CCDC148: variants seen among roughly 807,000 people sequenced by gnomAD.
The protein encoded by CCDC148 is coiled-coil domain containing 148, also known as coiled-coil domain-containing protein 148.
In CCDC148, 89 loss-of-function variants were observed where a neutral mutation model predicts 85.7. The observed-to-expected ratio is 1.04, with a 90% CI of 0.87 to 1.24. The LOEUF (loss-of-function observed/expected upper bound fraction) is 1.24, where lower values mean the gene tolerates loss of function less well. CCDC148 is among the 50% of genes most tolerant of loss of function. The pLI, the probability that CCDC148 is intolerant of heterozygous loss-of-function variation, is 0.00. For synonymous variants in CCDC148, 230 were observed against 213.9 expected (o/e 1.08, Z -0.66); for missense variants, 692 against 671.7 (o/e 1.03, Z -0.33).
intron 1 of CCDC148, among the ~76,000 whole-genome samples, chr2:158,384,862 T>C (rs1685019715): frequency 6.6e-6 from 1 of 152,198 alleles, no homozygotes; most frequent in African/African-American, 2.4e-5. Context: ...GTTGGAAGTC[T>C]GGCATGGCAT....
chr2:158,178,241 G>A (rs1473223756), intron 12 of CCDC148: 1 of 152,008 alleles, frequency 6.6e-6, no homozygotes, highest in Non-Finnish European at 1.5e-5. Flanking sequence ...CTGGGAAACG[G>A]TGTCAATGAA....
At chr2:158,254,701 T>C (rs1688939154) in intron 9 of CCDC148, among the ~76,000 whole-genome samples, 1 of 151,588 alleles carries the variant, frequency 6.6e-6, no homozygotes, top group Non-Finnish European at 1.5e-5. Flanking sequence ...TTTTATAAAT[T>C]TTAATGAAAA....
chr2:158,234,746 T>C (rs992476551), intron 10 of CCDC148, among the ~76,000 whole-genome samples: 1 of 152,136 alleles, frequency 6.6e-6, no homozygotes, highest in African/African-American at 2.4e-5. Flanking sequence ...ATGCAAAATG[T>C]TGGTCAATAA....
At chr2:158,207,062 T>C (rs76706643) in intron 11 of CCDC148, among the ~76,000 whole-genome samples, 7,785 of 152,266 alleles carry the variant, frequency 0.051, 229 homozygotes, top group Middle Eastern at 0.075. Context: ...CTTTCTATTA[T>C]GGAAAGGACA....
At chr2:158,197,890 C>T (rs1230125195) in intron 11 of CCDC148, among the ~76,000 whole-genome samples, 2 of 130,476 alleles carry the variant, frequency 1.5e-5, no homozygotes. Context: ...CTGGTTAATG[C>T]AATTAATTCT....
intron 11 of CCDC148, among the ~76,000 whole-genome samples, chr2:158,201,117 T>C (rs1335200845): frequency 6.6e-6 from 1 of 152,080 alleles, no homozygotes; most frequent in Non-Finnish European, 1.5e-5. Context: ...ACTGTGATGC[T>C]TTCTAGAGAG....
intron 10 of CCDC148, among the ~76,000 whole-genome samples, chr2:158,239,678 A>G (rs1688266567): frequency 6.6e-6 from 1 of 152,148 alleles, no homozygotes; most frequent in Non-Finnish European, 1.5e-5. Context: ...TTTAAAAATT[A>G]GATGATCCCT....
intron 1 of CCDC148, among the ~76,000 whole-genome samples, chr2:158,449,589 T>C (rs576743747): frequency 5.9e-5 from 9 of 152,146 alleles, no homozygotes; most frequent in South Asian, 2.1e-4. Flanking sequence ...GCTGGCACTA[T>C]AGGCACCCAC....
intron 9 of CCDC148, among the ~76,000 whole-genome samples, chr2:158,294,034 T>C (rs11897177): frequency 2.5e-4 from 24 of 94,660 alleles, no homozygotes; most frequent in African/African-American, 7.5e-4. Context: ...CCTTCCTTCC[T>C]TCCTTCCTTC....
At chr2:158,426,780 T>A (rs1238465062) in intron 1 of CCDC148, among the ~76,000 whole-genome samples, 1 of 152,220 alleles carries the variant, frequency 6.6e-6, no homozygotes. Context: ...TCCAGTGATA[T>A]TTGCACTTGT....
intron 9 of CCDC148, among the ~76,000 whole-genome samples, chr2:158,268,429 C>T (rs529370997): frequency 2.0e-5 from 3 of 152,046 alleles, no homozygotes; most frequent in African/African-American, 7.2e-5. Flanking sequence ...GTCCTCTATA[C>T]CAAATTTTTA....
chr2:158,420,672 G>T (rs138773943), intron 1 of CCDC148, among the ~76,000 whole-genome samples: 383 of 152,256 alleles, frequency 2.5e-3, no homozygotes, highest in African/African-American at 8.6e-3. Flanking sequence ...GGAAGAAACT[G>T]CATCAAGTAA....
chr2:158,346,972 G>A (rs1429233745), intron 2 of CCDC148, among the ~76,000 whole-genome samples: 1 of 152,134 alleles, frequency 6.6e-6, no homozygotes, highest in African/African-American at 2.4e-5. Flanking sequence ...AGGTAAGAGT[G>A]TTACAATTAT....
At chr2:158,350,678 T>A (rs904930433) in intron 2 of CCDC148, among the ~76,000 whole-genome samples, 1 of 152,176 alleles carries the variant, frequency 6.6e-6, no homozygotes, top group Admixed American at 6.5e-5. Context: ...TGGGGTGGGA[T>A]AATGCATGCA....
intron 2 of CCDC148, among the ~76,000 whole-genome samples, chr2:158,351,597 T>G (rs1315807318): frequency 6.6e-6 from 1 of 152,224 alleles, no homozygotes; most frequent in African/African-American, 2.4e-5. Context: ...TCTTGCTGAT[T>G]GCTAGCACAG....
intron 10 of CCDC148, among the ~76,000 whole-genome samples, chr2:158,224,852 C>A (rs1196039668): frequency 6.6e-6 from 1 of 151,998 alleles, no homozygotes; most frequent in South Asian, 2.1e-4. Flanking sequence ...CAAAAACATG[C>A]CAAATTGTAA....
chr2:158,439,590 C>T (rs537069371), intron 1 of CCDC148, among the ~76,000 whole-genome samples: 1 of 151,396 alleles, frequency 6.6e-6, no homozygotes, highest in Non-Finnish European at 1.5e-5. Flanking sequence ...CAAACCTGTA[C>T]GTTGTGCACA....
chr2:158,315,796 A>T (rs1013929073), intron 7 of CCDC148, among the ~76,000 whole-genome samples: 1 of 151,840 alleles, frequency 6.6e-6, no homozygotes. Flanking sequence ...CTACCCTCCC[A>T]CCCTCTTTCA....
rs750551010 is a variant in CCDC148 at position 158,225,691 on chromosome 2, G to A, written c.1252-4978C>T. On this transcript the variant is annotated intron_variant, in intron 10 of 13. Coordinates refer to ENST00000283233, the MANE Select transcript of CCDC148 (RefSeq NM_138803.4). ...CAACTACATGGAAACTGAACAATTC[G>A]CTCCTGAATGACTACTGGGTACATA... 4.6e-5 allele frequency among the ~76,000 whole-genome samples: 7 copies of A among 152,156 alleles called. 1 individual carries two copies. The South Asian group carries it at 8.3e-4, about 18-fold the overall frequency.
Sources: gnomAD v4.1 joint callset for allele counts (sites outside exome capture counted in the v4.1 genomes callset) on GRCh38, gnomAD v4.1.1 for gene constraint, MANE v1.5 for transcripts, NCBI Gene and HGNC (gene_info 2026-07-23, HGNC 2026-07-21) for gene names.